HSPB7: variants seen among roughly 807,000 people sequenced by gnomAD.
The protein encoded by HSPB7 is heat shock protein beta-7.
In HSPB7, 9 loss-of-function variants were observed where a neutral mutation model predicts 11.0. The ratio of observed to expected loss-of-function variants is 0.82; its 90% CI spans 0.49 to 1.43. The LOEUF is 1.43. Among genes scored for constraint, HSPB7 ranks in the 40% most tolerant of loss-of-function variants. HSPB7 has a pLI of 0.00. For missense variants in HSPB7, 246 were observed against 243.9 expected (o/e 1.01, Z -0.06); for synonymous variants, 102 against 101.6 (o/e 1.00, Z -0.02).
chr1:16,017,422 G>C, intron 1 of HSPB7: 1 of 622,922 alleles, frequency 1.6e-6, no homozygotes, highest in Admixed American at 3.1e-5. Flanking sequence ...ATGAGGCTAG[G>C]TCTGTAACAA....
At position 16,017,769 on chromosome 1, in the gene HSPB7, G is replaced by A; in HGVS notation, c.195C>T (p.Phe65=). The A allele has an allele frequency of 6.3e-7, 1 of 1,596,582 alleles. No homozygotes were observed. Among genetic ancestry groups the A allele is most frequent in the South Asian group, 1.1e-5 (1 of 88,328 alleles). ...CTCAGGGCCCGGATCACTTGCCTGGGAAGGCCAGGGGCTCCGAGTGGGGCC... is the reference window on the plus strand; with the variant it reads ...CTCAGGGCCCGGATCACTTGCCTGGAAAGGCCAGGGGCTCCGAGTGGGGCC... The part of the protein sequence containing the change: ...FMRPHSEPLA[F]PARPGGAGNI... The change falls in exon 1 of 3, where the codon TTC becomes TTT. Residue 65 remains phenylalanine (F), a synonymous_variant. Transcript: ENST00000311890.
rs200711927 is a variant in HSPB7 at position 16,017,731 on chromosome 1, C to A, written c.199+34G>T. 2,722 of 1,517,362 alleles carry A rather than the reference C, an allele frequency of 1.8e-3. 18 individuals carry two copies. The Middle Eastern group carries it at 0.023, about 13-fold the overall frequency. The allele number at this position is 1,517,362 out of a possible 1,614,324, so 94.0% of individuals were successfully genotyped here. On this transcript the variant is annotated intron_variant, in intron 1 of 2. Transcript: ENST00000311890. ...CTGGAGCAGACGTCCCCTCCCTGTG[C>A]ACCTCCCCTCCCCTCAGGGCCCGGA...
At position 16,015,514 on chromosome 1, in the gene HSPB7, T is replaced by C; in HGVS notation, c.*66A>G. 1.2e-5 allele frequency: 18 copies of C among 1,487,578 alleles called. No individual in the cohort carries two copies. The highest frequency in any genetic ancestry group is 1.6e-5 in the Non-Finnish European group (17 of 1,072,098). The allele number at this position is 1,487,578 out of a possible 1,614,324, so 92.1% of individuals were successfully genotyped here. On this transcript the variant is annotated 3_prime_UTR_variant, in exon 3 of 3. Transcript: ENST00000311890. The surrounding 1 kb of genome is among the most constrained non-coding windows in gnomAD (Gnocchi z 4.9). ...CTGAGATGTCCTGGAGCTGTTGTAA[T>C]GGGGTTAGCGAGGCTTTGCTGGCAG...
upstream of HSPB7, chr1:16,018,123 T>G (rs1402965299): frequency 6.5e-7 from 1 of 1,549,224 alleles, no homozygotes; most frequent in Admixed American, 2.0e-5. Context: ...TAGCTAAATT[T>G]AGGCCTCTCC....
chr1:16,018,959 C>T (rs983652018), upstream of HSPB7: 60 of 1,039,136 alleles, frequency 5.8e-5, no homozygotes, highest in South Asian at 2.1e-4. Flanking sequence ...TTGGAAAGGG[C>T]GGGGCTCGCA....
At position 16,014,641 on chromosome 1, in the gene HSPB7, C is replaced by T. The variant is rs1414736067; in HGVS notation, c.*939G>A. 9.2e-5 allele frequency: 14 copies of T among 152,160 alleles called. No individual in the cohort carries two copies. Among genetic ancestry groups the T allele is most frequent in the Admixed American group, 4.6e-4 (7 of 15,286 alleles). The allele number at this position is 152,160 out of a possible 1,614,324, so 9.4% of individuals were successfully genotyped here. On this transcript the variant is annotated 3_prime_UTR_variant, in exon 3 of 3. Transcript: ENST00000311890. ...ACGATAGGGGTGTGTGTGTTACACA[C>T]ACCGAGCCTATAGATTCATAGATTA...
rs546640643 is a variant in HSPB7 at position 16,018,014 on chromosome 1, G to A, written c.-51C>T. 2 of 1,611,554 alleles carry A rather than the reference G, an allele frequency of 1.2e-6. No individual in the cohort carries two copies. On this transcript the variant is annotated 5_prime_UTR_variant, in exon 1 of 3. Transcript: ENST00000311890. ...AGGCGGGCGAGGGCTGGACAGGAGA[G>A]GGTGTGGGCGCAGGCCTCTGGGCGA...
chr1:16,017,198 C>T lies in HSPB7; in HGVS notation c.209G>A (p.Gly70Asp). The change falls in exon 2 of 3, where the codon GGT (glycine) becomes GAT (aspartate). Residue 70 changes from glycine to aspartate, a missense_variant. Transcript: ENST00000311890. ...SEPLAFPARP[G>D]GAGNIKTLGD... ...TAGGGTCTTGATGTTGCCTGCCCCA[C>T]CGGGGCGGGCTGTGGGATGGGCTGC... 1.2e-6 allele frequency: 2 copies of T among 1,612,984 alleles called. No individual in the cohort carries two copies. The highest frequency in any genetic ancestry group is 1.7e-6 in the Non-Finnish European group (2 of 1,179,122).
intron 2 of HSPB7, among the ~76,000 whole-genome samples, chr1:16,016,245 G>A (rs1570276616): frequency 6.6e-6 from 1 of 152,352 alleles, no homozygotes; most frequent in South Asian, 2.1e-4. Flanking sequence ...CTGCCTGTGG[G>A]TTTTGGTGCC....
In HSPB7 at chr1:16,017,070, T is replaced by C. The variant is rs2021785251; in HGVS notation, c.333+4A>G. Reference sequence around the variant, plus strand: ...ATGCGGTGAGTAGGGGGTGGGGGGCTCACCTTCTCAGCCCGCACCTCGATG... The same window carrying C: ...ATGCGGTGAGTAGGGGGTGGGGGGCCCACCTTCTCAGCCCGCACCTCGATG... On this transcript the variant is annotated splice_donor_region_variant and intron_variant, in intron 2 of 2. Transcript: ENST00000311890. 6.2e-7 allele frequency: 1 copy of C among 1,603,580 alleles called. No individual in the cohort carries two copies. The highest frequency in any genetic ancestry group is 8.5e-7 in the Non-Finnish European group (1 of 1,171,640).
intron 1 of HSPB7, 83 bp from the exon 2 acceptor site, chr1:16,017,290 AG>A: frequency 1.3e-6 from 2 of 1,556,296 alleles, no homozygotes; most frequent in Non-Finnish European, 1.7e-6. Context: ...TCTTGGGGCA[AG>A]GGGCGGCTCC....
At chr1:16,016,026 G>T (rs2021692016) in intron 2 of HSPB7, among the ~76,000 whole-genome samples, 1 of 152,236 alleles carries the variant, frequency 6.6e-6, no homozygotes. Context: ...AGAGAGAGGA[G>T]GCTCCGTGGC....
In HSPB7 at chr1:16,014,653, A is replaced by G. The variant is rs1409619709; in HGVS notation, c.*927T>C. Reference sequence around the variant, plus strand: ...TGTGTGTTACACACACCGAGCCTATAGATTCATAGATTAAAGAGGGGGATG... The same window carrying G: ...TGTGTGTTACACACACCGAGCCTATGGATTCATAGATTAAAGAGGGGGATG... On this transcript the variant is annotated 3_prime_UTR_variant, in exon 3 of 3. Transcript: ENST00000311890. 6.6e-6 allele frequency: 1 copy of G among 152,232 alleles called. No individual in the cohort carries two copies. Among genetic ancestry groups the G allele is most frequent in the Non-Finnish European group, 1.5e-5 (1 of 68,046 alleles). 9.4% of individuals were successfully genotyped at this position (152,232 alleles called of 1,614,324 possible).
upstream of HSPB7, chr1:16,018,880 G>A (rs3754328): frequency 2.0e-4 from 262 of 1,326,420 alleles, no homozygotes; most frequent in East Asian, 5.0e-3. Flanking sequence ...GCACGGCCCC[G>A]TTTGATCCCC....
upstream of HSPB7, chr1:16,018,864 T>C (rs112175849): frequency 0.028 from 36,812 of 1,295,198 alleles, 629 homozygotes; most frequent in Middle Eastern, 0.042. Flanking sequence ...GGCTGCAAGC[T>C]GTCCAGCACG....
rs563271916 is a variant in HSPB7, at chr1:16,017,612, TGTGGCCACATCTGTCTTG to T, written c.199+135_199+152del. 28 of 661,520 alleles carry T rather than the reference TGTGGCCACATCTGTCTTG, an allele frequency of 4.2e-5. 1 individual carries two copies. The South Asian group carries it at 5.1e-4, about 12-fold the overall frequency. The allele number at this position is 661,520 out of a possible 1,614,324, so 41.0% of individuals were successfully genotyped here. A position where few individuals can be genotyped will look rare whatever the true frequency, so the allele number is the denominator to read the frequency against. ...CTGTTTTCATGGCCACATCTGTCCC[TGTGGCCACATCTGTCTTG>T]GTGGCCACACATGGCTGCAGGCTGT... On this transcript the variant is annotated intron_variant, in intron 1 of 2. Transcript: ENST00000311890.
At position 16,017,161 on chromosome 1, in the gene HSPB7, A is replaced by G. The variant is rs773407818; in HGVS notation, c.246T>C (p.Tyr82=). ...AGNIKTLGDA[Y]EFAVDVRDFS... ...AGTCTCTCACGTCCACCGCAAACTC[A>G]TAGGCGTCTCCTAGGGTCTTGATGT... is the stretch of plus-strand genomic sequence containing the variant. The change falls in exon 2 of 3, where the codon TAT becomes TAC. Residue 82 remains tyrosine (Y), a synonymous_variant. Coordinates refer to ENST00000311890, the MANE Select transcript of HSPB7 (RefSeq NM_014424.5). 9.9e-6 allele frequency: 16 copies of G among 1,613,750 alleles called. No individual in the cohort carries two copies. The highest frequency in any genetic ancestry group is 3.3e-4 in the Middle Eastern group (2 of 6,076).
Position 16,017,855 on chromosome 1 carries a change from G to A in HSPB7, c.109C>T (p.Gln37Ter). 1.9e-6 allele frequency: 3 copies of A among 1,613,970 alleles called. No homozygotes were observed. The highest frequency in any genetic ancestry group is 2.5e-6 in the Non-Finnish European group (3 of 1,179,910). Reference protein sequence around the residue: ...SSSASRALPAQDPPMEKALSM... With the variant: ...SSSASRALPA ...AGGGCCTTCTCCATGGGCGGGTCCT[G>A]GGCCGGGAGAGCACGGGAGGCCGAG... Residue 37 changes from glutamine to a stop codon, truncating the protein, a stop_gained, in exon 1 of 3, where the codon CAG becomes TAG. Transcript: ENST00000311890. LOFTEE classifies it high-confidence loss of function.
intron 2 of HSPB7, among the ~76,000 whole-genome samples, chr1:16,016,444 C>T (rs1174233455): frequency 6.6e-6 from 1 of 152,208 alleles, no homozygotes; most frequent in Non-Finnish European, 1.5e-5. Context: ...GTGGAGGCCC[C>T]AGTGCCTCCT....
Sources: gnomAD v4.1 joint callset for allele counts (sites outside exome capture counted in the v4.1 genomes callset) on GRCh38, gnomAD v4.1.1 for gene constraint, Gnocchi (gnomAD v3.1) non-coding constraint, MANE v1.5 for transcripts, NCBI Gene and HGNC (gene_info 2026-07-23, HGNC 2026-07-21) for gene names.